C1orf94: variants seen among roughly 807,000 people sequenced by gnomAD.
C1orf94 encodes chromosome 1 open reading frame 94.
In C1orf94, 45 loss-of-function variants were observed where a neutral mutation model predicts 53.6. The observed-to-expected ratio is 0.84, with a 90% CI of 0.66 to 1.08. The LOEUF is 1.08. Among genes scored for constraint, C1orf94 ranks in the 50% least tolerant of loss-of-function variants. The probability of loss-of-function intolerance (pLI) is 0.00; values close to 1 mark genes in which losing one functional copy is unlikely to be tolerated. For synonymous variants in C1orf94, 304 were observed against 296.1 expected, an observed-to-expected ratio of 1.03 and a Z score of -0.27; for missense variants, 762 against 738.9, an observed-to-expected ratio of 1.03 and a Z score of -0.36.
chr1:34,205,622 C>A (rs1642779665), intron 4 of C1orf94, among the ~76,000 whole-genome samples: 1 of 152,294 alleles, frequency 6.6e-6, no homozygotes, highest in Admixed American at 6.5e-5. Context: ...TAAGCTGTGA[C>A]ACAGATGTTG....
In C1orf94 at chr1:34,177,995, T is replaced by C; in HGVS notation, c.206T>C (p.Ile69Thr). 1 of 1,551,652 alleles carries C rather than the reference T, an allele frequency of 6.4e-7. No individual in the cohort carries two copies. Among genetic ancestry groups the C allele is most frequent in the Non-Finnish European group, 8.7e-7 (1 of 1,146,978 alleles). ...QDSLDKTCHE[I>T]WKRVQGLPEA... ...AGCCTAGACAAGACTTGCCATGAAA[T>C]CTGGAAGAGAGTTCAAGGCCTGCCT... Residue 69 changes from isoleucine (I) to threonine (T), a missense_variant, in exon 1 of 7, where the codon ATC becomes ACC. Transcript: ENST00000488417.
intron 1 of C1orf94, among the ~76,000 whole-genome samples, chr1:34,167,358 T>C (rs1642055047): frequency 6.6e-6 from 1 of 152,198 alleles, no homozygotes; most frequent in Admixed American, 6.5e-5. Context: ...GGCTGCTCTG[T>C]AATTCTGGGG....
rs768610822 is a variant in C1orf94 at position 34,197,393 on chromosome 1, C to A, written c.489C>A (p.Ala163=). The part of the protein sequence containing the change: ...GTRELAPCIL[A]PPLVAGSNER... ...GAGAGCTGGCTCCCTGCATTCTTGCCCCTCCTCTAGTGGCAGGCAGTAATG... is the reference window on the plus strand; with the variant it reads ...GAGAGCTGGCTCCCTGCATTCTTGCACCTCCTCTAGTGGCAGGCAGTAATG... The change falls in exon 2 of 7, where the codon GCC becomes GCA. Residue 163 remains alanine (A), a synonymous_variant. Transcript: ENST00000488417. The surrounding 1 kb of genome is among the most constrained non-coding windows in gnomAD (Gnocchi z 4.1). 4 of 1,613,720 alleles carry A rather than the reference C, an allele frequency of 2.5e-6. No homozygotes were observed. The highest frequency in any genetic ancestry group is 3.4e-6 in the Non-Finnish European group (4 of 1,179,756).
At chr1:34,207,259 C>CGGGG (rs887713792) in intron 4 of C1orf94, among the ~76,000 whole-genome samples, 54 of 103,070 alleles carry the variant, frequency 5.2e-4, no homozygotes, top group African/African-American at 2.1e-3. Flanking sequence ...AGCAGTTCTG[C>CGGGG]GGGGTGTGTG....
At chr1:34,171,138 G>C (rs867986565) in intron 1 of C1orf94, among the ~76,000 whole-genome samples, 1 of 151,972 alleles carries the variant, frequency 6.6e-6, no homozygotes, top group Admixed American at 6.6e-5. Flanking sequence ...CTCCCTACAA[G>C]AGCCCCCATC....
chr1:34,204,844 A>G (rs2148620358), intron 4 of C1orf94, among the ~76,000 whole-genome samples: 1 of 149,854 alleles, frequency 6.7e-6, no homozygotes, highest in Non-Finnish European at 1.5e-5. Flanking sequence ...AGCCTGAACA[A>G]TATAGTGAAA....
chr1:34,202,517 T>C lies in C1orf94; in HGVS notation c.1446+258T>C, dbSNP rs375501247. On this transcript the variant is annotated intron_variant, in intron 4 of 6. Transcript: ENST00000488417. Reference sequence around the variant, plus strand: ...GCGCACACCTCCACACACACACACATATGTATATTTAGTCCTAACTTTCCA... The same window carrying C: ...GCGCACACCTCCACACACACACACACATGTATATTTAGTCCTAACTTTCCA... 1.2e-4 allele frequency among the ~76,000 whole-genome samples: 18 copies of C among 152,274 alleles called. 1 individual carries two copies. In the South Asian group the frequency reaches 3.1e-3, roughly 26 times the overall value.
chr1:34,200,827 C>A lies in C1orf94; in HGVS notation c.1065C>A (p.Ser355Arg), dbSNP rs1642692576. The change falls in exon 3 of 7, where the codon AGC (serine) becomes AGA (arginine). Residue 355 changes from serine (S) to arginine (R), a missense_variant. Ser to Arg is a moderately radical substitution (Grantham distance 110). Coordinates refer to ENST00000488417, the MANE Select transcript of C1orf94 (RefSeq NM_001134734.2). ...PKKGQGSLFL[S>R]QWPQSQKDAC... ...AGGGTCAAGGGAGCCTCTTTCTCAGCCAGTGGCCCCAGAGCCAGAAGGACG... is the reference window on the plus strand; with the variant it reads ...AGGGTCAAGGGAGCCTCTTTCTCAGACAGTGGCCCCAGAGCCAGAAGGACG... 6.2e-7 allele frequency: 1 copy of A among 1,614,040 alleles called. No homozygotes were observed. The highest frequency in any genetic ancestry group is 1.3e-5 in the African/African-American group (1 of 74,914).
In C1orf94 at chr1:34,168,546, T is replaced by C. The variant is rs145973441; in HGVS notation, c.-251+1375T>C. On this transcript the variant is annotated intron_variant, in intron 1 of 6. Coordinates refer to the C1orf94 transcript ENST00000373374. Reference sequence around the variant, plus strand: ...AGAAGGTGTATTAATTTGCTAGGACTGCTGCCACAACAAAGTACCATAGAC... The same window carrying C: ...AGAAGGTGTATTAATTTGCTAGGACCGCTGCCACAACAAAGTACCATAGAC... Among the ~76,000 whole-genome samples the C allele has an allele frequency of 2.5e-4, 38 of 152,270 alleles. No individual in the cohort carries two copies. In the East Asian group the frequency reaches 6.2e-3, roughly 25 times the overall value.
Position 34,197,666 on chromosome 1 carries a change from T to C in C1orf94, c.762T>C (p.Pro254=). The change falls in exon 2 of 7, where the codon CCT becomes CCC. Residue 254 remains proline, a synonymous_variant. Coordinates refer to ENST00000488417, the MANE Select transcript of C1orf94 (RefSeq NM_001134734.2). The surrounding 1 kb of genome is among the most constrained non-coding windows in gnomAD (Gnocchi z 4.1). ...AGTCCACTGAGACATCCAAGGTCCC[T>C]GACAACAAGAATGTGCTGGACAAGA... The part of the protein sequence containing the change: ...PLKSTETSKV[P]DNKNVLDKTR... 1 of 1,614,122 alleles carries C rather than the reference T, an allele frequency of 6.2e-7. No homozygotes were observed.
intron 2 of C1orf94, among the ~76,000 whole-genome samples, chr1:34,198,749 G>T (rs1642644743): frequency 6.6e-6 from 1 of 152,224 alleles, no homozygotes; most frequent in Non-Finnish European, 1.5e-5. Context: ...TAAGAGCAAA[G>T]TCATCCTGAA....
At chr1:34,200,500 G>A (rs1237579537) in intron 2 of C1orf94, among the ~76,000 whole-genome samples, 15 of 152,136 alleles carry the variant, frequency 9.9e-5, no homozygotes, top group African/African-American at 1.4e-4. Flanking sequence ...ATAAGTAGAC[G>A]GATAGAAGGA....
At chr1:34,182,267 C>T (rs956765979) in intron 1 of C1orf94, among the ~76,000 whole-genome samples, 9 of 152,012 alleles carry the variant, frequency 5.9e-5, no homozygotes, top group Admixed American at 5.2e-4. Flanking sequence ...GACAGCGAGA[C>T]GGGAGAGTCA....
In C1orf94 at chr1:34,208,245, G is replaced by T. The variant is rs746203826; in HGVS notation, c.1524+11G>T. On this transcript the variant is annotated intron_variant, in intron 5 of 6. Transcript: ENST00000488417. ...TGTTACTCCCAACAGGTGAGTAGAC[G>T]ATCTCTCCTCCTCTGTCCTGGGTCC... The T allele has an allele frequency of 3.1e-6, 5 of 1,612,484 alleles. No homozygotes were observed. Among genetic ancestry groups the T allele is most frequent in the South Asian group, 2.2e-5 (2 of 90,606 alleles).
intron 6 of C1orf94, among the ~76,000 whole-genome samples, chr1:34,217,767 A>G (rs576717220): frequency 2.6e-4 from 40 of 152,332 alleles, no homozygotes; most frequent in African/African-American, 6.7e-4. Context: ...TGTTTCATCA[A>G]TTCATAGAAG....
At chr1:34,198,803 G>C (rs1361966087) in intron 2 of C1orf94, among the ~76,000 whole-genome samples, 1 of 152,230 alleles carries the variant, frequency 6.6e-6, no homozygotes, top group Admixed American at 6.5e-5. Context: ...AGGAATCAGA[G>C]CTGTGGATAG....
At chr1:34,215,349 G>A (rs1323261203) in intron 6 of C1orf94, among the ~76,000 whole-genome samples, 1 of 152,222 alleles carries the variant, frequency 6.6e-6, no homozygotes, top group African/African-American at 2.4e-5. Flanking sequence ...GGTAGGCATG[G>A]CTAGAAGTCT....
chr1:34,184,759 T>G (rs922530793), intron 1 of C1orf94, among the ~76,000 whole-genome samples: 2 of 152,252 alleles, frequency 1.3e-5, no homozygotes. Context: ...TGTGCTACTG[T>G]TATTTAAACA....
chr1:34,210,036 T>C (rs1320200563), intron 5 of C1orf94, among the ~76,000 whole-genome samples: 2 of 152,198 alleles, frequency 1.3e-5, no homozygotes, highest in African/African-American at 4.8e-5. Flanking sequence ...GTTCCATTGC[T>C]TTTGTCAGTG....
Sources: allele counts gnomAD v4.1 joint callset (sites outside exome capture counted in the v4.1 genomes callset), GRCh38; gene constraint gnomAD v4.1.1; non-coding constraint Gnocchi (gnomAD v3.1); transcripts MANE v1.5; gene names NCBI Gene and HGNC (gene_info 2026-07-23, HGNC 2026-07-21).